The following ADCY2 variants were observed in gnomAD, a reference collection of about 807,000 sequenced individuals.
ADCY2 encodes the protein adenylate cyclase type 2.
A neutral mutation model predicts 125.2 loss-of-function variants in ADCY2; 31 were observed. The observed-to-expected ratio is 0.25, with a 90% CI of 0.19 to 0.33. The LOEUF (loss-of-function observed/expected upper bound fraction) is 0.33, where lower values mean the gene tolerates loss of function less well. Among genes scored for constraint, ADCY2 ranks in the 10% least tolerant of loss-of-function variants. ADCY2 has a pLI of 1.00. For missense variants in ADCY2, 904 were observed against 1,418.2 expected, an observed-to-expected ratio of 0.64 and a Z score of 5.82; for synonymous variants, 512 against 548.4, an observed-to-expected ratio of 0.93 and a Z score of 0.93.
Position 7,707,730 on chromosome 5 carries a change from C to T in ADCY2, c.1293C>T (p.Thr431=). ...GACGTGTTCACATTTCTTCTGTCAC[C>T]CTGGAGCACTTGAATGGCGCTTATA... ...VPGRVHISSV[T]LEHLNGAYKV... is the part of the protein sequence containing the mutation. The change falls in exon 9 of 25, where the codon ACC becomes ACT. Residue 431 remains threonine, a synonymous_variant. Transcript: ENST00000338316. 1 of 1,613,918 alleles carries T rather than the reference C, an allele frequency of 6.2e-7. No homozygotes were observed. The highest frequency in any genetic ancestry group is 8.5e-7 in the Non-Finnish European group (1 of 1,179,944).
chr5:7,806,376 A>G (rs1020516835), intron 22 of ADCY2, among the ~76,000 whole-genome samples: 2 of 152,066 alleles, frequency 1.3e-5, no homozygotes, highest in African/African-American at 4.8e-5. Flanking sequence ...CTCAGGCTCT[A>G]AGATGCTCAG....
chr5:7,743,779 T>A (rs1171039632), intron 15 of ADCY2, 27 bp downstream of exon 15: 1 of 1,601,710 alleles, frequency 6.2e-7, no homozygotes, highest in African/African-American at 1.3e-5. Context: ...GGCGCTTCTT[T>A]GAAAAGTATG....
At chr5:7,523,878 A>G (rs1017722084) in intron 3 of ADCY2, among the ~76,000 whole-genome samples, 1 of 152,230 alleles carries the variant, frequency 6.6e-6, no homozygotes, top group African/African-American at 2.4e-5. Context: ...CCTGCCTTCT[A>G]AGCCACCAAA....
intron 2 of ADCY2, among the ~76,000 whole-genome samples, chr5:7,473,359 A>G (rs552720566): frequency 6.6e-6 from 1 of 152,232 alleles, no homozygotes; most frequent in East Asian, 1.9e-4. Flanking sequence ...GTGAGAGAGA[A>G]GCAAGAGAGA....
chr5:7,586,727 G>C (rs972919525), intron 3 of ADCY2, among the ~76,000 whole-genome samples: 8 of 152,146 alleles, frequency 5.3e-5, no homozygotes, highest in Non-Finnish European at 1.0e-4. Flanking sequence ...CTGCAGCTGG[G>C]TGGCGGTGTA....
chr5:7,544,286 C>T (rs1489409939), intron 3 of ADCY2, among the ~76,000 whole-genome samples: 1 of 152,178 alleles, frequency 6.6e-6, no homozygotes, highest in Admixed American at 6.5e-5. Flanking sequence ...TGAAACAATA[C>T]ACATTTTACA....
intron 14 of ADCY2, among the ~76,000 whole-genome samples, chr5:7,728,584 T>A (rs1264626434): frequency 6.6e-6 from 1 of 152,220 alleles, no homozygotes; most frequent in Non-Finnish European, 1.5e-5. Context: ...GTGTCAGGCC[T>A]GTACCATGGT....
At chr5:7,719,047 A>T (rs111584734) in intron 12 of ADCY2, among the ~76,000 whole-genome samples, 1,778 of 152,326 alleles carry the variant, frequency 0.012, 40 homozygotes, top group African/African-American at 0.041. Flanking sequence ...TAACCTCAGC[A>T]TGTGTTAACG....
At chr5:7,667,636 A>G (rs913082433) in intron 4 of ADCY2, among the ~76,000 whole-genome samples, 9 of 152,240 alleles carry the variant, frequency 5.9e-5, no homozygotes, top group Non-Finnish European at 8.8e-5. Flanking sequence ...CAATGAGGTA[A>G]CCATTGTATA....
At chr5:7,506,511 C>T (rs1402075384) in intron 2 of ADCY2, among the ~76,000 whole-genome samples, 3 of 151,846 alleles carry the variant, frequency 2.0e-5, no homozygotes, top group Non-Finnish European at 2.9e-5. Flanking sequence ...TACCATTGCC[C>T]GAGAAAAAAA....
chr5:7,781,252 T>A (rs142603490), intron 18 of ADCY2, among the ~76,000 whole-genome samples: 290 of 152,296 alleles, frequency 1.9e-3, no homozygotes, highest in African/African-American at 6.8e-3. Context: ...GCAGCTCATA[T>A]TTCTCTAAAC....
chr5:7,546,477 A>G (rs1022173288), intron 3 of ADCY2, among the ~76,000 whole-genome samples: 1 of 152,128 alleles, frequency 6.6e-6, no homozygotes, highest in African/African-American at 2.4e-5. Context: ...GGCCCAGGGC[A>G]CACAGTGTGG....
At chr5:7,770,898 T>C (rs1433516701) in intron 17 of ADCY2, among the ~76,000 whole-genome samples, 2 of 152,178 alleles carry the variant, frequency 1.3e-5, no homozygotes, top group African/African-American at 4.8e-5. Flanking sequence ...TTTTGAAAAA[T>C]GTAATGGTGA....
At position 7,780,595 on chromosome 5, in the gene ADCY2, A is replaced by G. The variant is rs902876480; in HGVS notation, c.2385-3770A>G. 2.6e-5 allele frequency among the ~76,000 whole-genome samples: 4 copies of G among 152,182 alleles called. No homozygotes were observed. In the South Asian group the frequency reaches 6.2e-4, roughly 24 times the overall value. ...TGAACCGATTTTTTTATTTATCCCA[A>G]TTAGTGACCTGAGAAGATATGATTT... On this transcript the variant is annotated intron_variant, in intron 18 of 24. Transcript: ENST00000338316.
chr5:7,521,348 T>C (rs1561071862), intron 3 of ADCY2, among the ~76,000 whole-genome samples: 1 of 152,020 alleles, frequency 6.6e-6, no homozygotes, highest in Non-Finnish European at 1.5e-5. Flanking sequence ...TTCTATCAGG[T>C]CTATGAGCAT....
intron 3 of ADCY2, among the ~76,000 whole-genome samples, chr5:7,592,468 A>C (rs1450810704): frequency 1.3e-5 from 2 of 152,178 alleles, no homozygotes; most frequent in African/African-American, 4.8e-5. Flanking sequence ...GAGACATGGC[A>C]ATGGAGACTC....
chr5:7,754,765 G>A (rs1343116543), intron 15 of ADCY2, among the ~76,000 whole-genome samples: 1 of 152,098 alleles, frequency 6.6e-6, no homozygotes, highest in East Asian at 1.9e-4. Flanking sequence ...GCTGAGACAG[G>A]AGAATCGCTT....
intron 22 of ADCY2, among the ~76,000 whole-genome samples, chr5:7,805,463 A>T (rs1014743615): frequency 2.0e-5 from 3 of 152,110 alleles, no homozygotes; most frequent in African/African-American, 7.2e-5. Flanking sequence ...TGTGTGAGAG[A>T]GAGAGAGAGA....
rs146921258 is a variant in ADCY2, at chr5:7,541,771, A to G, written c.570+20872A>G. 4.0e-3 allele frequency among the ~76,000 whole-genome samples: 613 copies of G among 152,358 alleles called. 1 individual carries two copies. The highest frequency in any genetic ancestry group is 7.8e-3 in the Non-Finnish European group (533 of 68,028). On this transcript the variant is annotated intron_variant, in intron 3 of 24. Coordinates refer to ENST00000338316, the MANE Select transcript of ADCY2 (RefSeq NM_020546.3). ...AGATACTAAATCTGATGGAAATGGAATACAGAGTCCAAAGAGATTTCATCC... is the reference window on the plus strand; with the variant it reads ...AGATACTAAATCTGATGGAAATGGAGTACAGAGTCCAAAGAGATTTCATCC...
Sources: gnomAD v4.1 joint callset for allele counts (sites outside exome capture counted in the v4.1 genomes callset) on GRCh38, gnomAD v4.1.1 for gene constraint, MANE v1.5 for transcripts, NCBI Gene and HGNC (gene_info 2026-07-23, HGNC 2026-07-21) for gene names.